PCDH15: variants seen among roughly 807,000 people sequenced by gnomAD.
The protein encoded by PCDH15 is protocadherin related 15.
Under a neutral mutation model 178.5 loss-of-function variants are expected in PCDH15, and 129 were observed. The ratio of observed to expected loss-of-function variants is 0.72; its 90% CI spans 0.63 to 0.84. PCDH15 has a LOEUF of 0.84. PCDH15 is among the 40% of genes least tolerant of loss of function. The pLI, the probability that PCDH15 is intolerant of heterozygous loss-of-function variation, is 0.00. For missense variants in PCDH15, 2,230 were observed against 2,099.9 expected (o/e 1.06, Z -1.21); for synonymous variants, 800 against 732.0 (o/e 1.09, Z -1.50).
chr10:54,692,840 A>C (rs571159212), intron 1 of PCDH15, among the ~76,000 whole-genome samples: 4 of 152,206 alleles, frequency 2.6e-5, no homozygotes, highest in Non-Finnish European at 5.9e-5. Flanking sequence ...GCATAAATGC[A>C]AACACAAAAT....
chr10:54,079,711 T>C (rs2080903152), intron 16 of PCDH15, among the ~76,000 whole-genome samples: 1 of 152,174 alleles, frequency 6.6e-6, no homozygotes, highest in African/African-American at 2.4e-5. Context: ...AGAAGAACAG[T>C]ATCTATCTTG....
At chr10:55,003,004 A>G (rs574351571) in intron 2 of PCDH15, among the ~76,000 whole-genome samples, 44 of 152,238 alleles carry the variant, frequency 2.9e-4, no homozygotes, top group African/African-American at 9.4e-4. Flanking sequence ...CCTTATTTTT[A>G]TATAGATGTG....
intron 3 of PCDH15, among the ~76,000 whole-genome samples, chr10:54,840,440 T>A (rs2133760438): frequency 6.6e-6 from 1 of 151,760 alleles, no homozygotes; most frequent in South Asian, 2.1e-4. Flanking sequence ...AAGTTTCTAG[T>A]AGGCACACAA....
At position 54,139,303 on chromosome 10, in the gene PCDH15, A is replaced by C. The variant is rs190264126; in HGVS notation, c.1785-6296T>G. 1.4e-3 allele frequency among the ~76,000 whole-genome samples: 211 copies of C among 150,696 alleles called. 1 individual carries two copies. The East Asian group carries it at 0.032, about 23-fold the overall frequency. ...AGGACCTGACATTCATCAGCTATTAAAAAAAAAAGTAATGAACAAGGAAAA... is the reference window on the plus strand; with the variant it reads ...AGGACCTGACATTCATCAGCTATTACAAAAAAAAGTAATGAACAAGGAAAA... On this transcript the variant is annotated intron_variant, in intron 14 of 37. Coordinates refer to ENST00000644397, the MANE Select transcript of PCDH15 (RefSeq NM_001384140.1).
intron 2 of PCDH15, among the ~76,000 whole-genome samples, chr10:54,938,368 A>G (rs1398798555): frequency 6.6e-6 from 1 of 150,878 alleles, no homozygotes; most frequent in Non-Finnish European, 1.5e-5. Flanking sequence ...GTCTATATTC[A>G]TTAAAGATAT....
At chr10:55,506,371 A>G (rs1840758756) in intron 2 of PCDH15, 1 of 151,526 alleles carries the variant, frequency 6.6e-6, no homozygotes, top group Non-Finnish European at 1.5e-5. Context: ...AGAATGTAAT[A>G]ACATAATGCA....
intron 33 of PCDH15, among the ~76,000 whole-genome samples, chr10:53,819,102 C>T (rs922923488): frequency 6.6e-6 from 1 of 151,956 alleles, no homozygotes; most frequent in African/African-American, 2.4e-5. Context: ...ATAATTCTTC[C>T]AGAGCCTTTA....
intron 8 of PCDH15, among the ~76,000 whole-genome samples, chr10:54,296,457 G>A (rs1349173832): frequency 6.6e-6 from 1 of 151,988 alleles, no homozygotes; most frequent in African/African-American, 2.4e-5. Flanking sequence ...CTTGCCTCCT[G>A]GGTCCTCATG....
intron 2 of PCDH15, among the ~76,000 whole-genome samples, chr10:55,082,298 C>A (rs1842060458): frequency 6.6e-6 from 1 of 151,850 alleles, no homozygotes; most frequent in East Asian, 1.9e-4. Context: ...GGAAATTAAA[C>A]ATTATGTTCC....
chr10:54,820,396 T>C (rs556680222), intron 3 of PCDH15, among the ~76,000 whole-genome samples: 2 of 152,266 alleles, frequency 1.3e-5, no homozygotes, highest in African/African-American at 4.8e-5. Context: ...TCTTGTAGGA[T>C]GCAAGAATAT....
Position 53,820,220 on chromosome 10 carries a change from A to G in PCDH15, c.4378T>C (p.Cys1460Arg). 2.5e-6 allele frequency: 1 copy of G among 397,812 alleles called. No individual in the cohort carries two copies. The highest frequency in any genetic ancestry group is 4.4e-6 in the Non-Finnish European group (1 of 225,428). The allele number at this position is 397,812 out of a possible 1,614,324, so 24.6% of individuals were successfully genotyped here. A position where few individuals can be genotyped will look rare whatever the true frequency, so the allele number is the denominator to read the frequency against. ...CTCATGCATATGACCAGCTGCCAAC[A>G]AAAACTCCAACTGAAGTTTTTCAGT... ...ELGDSSIWSF[C>R]WQLVICMRTC... The change falls in exon 33 of 38, where the codon TGT becomes CGT. Residue 1460 changes from cysteine (C) to arginine (R), a missense_variant. Transcript: ENST00000644397.
At chr10:55,015,047 C>A (rs549329375) in intron 2 of PCDH15, among the ~76,000 whole-genome samples, 1 of 151,790 alleles carries the variant, frequency 6.6e-6, no homozygotes, top group Non-Finnish European at 1.5e-5. Context: ...ATGGTGAAAC[C>A]CCATCTCTAC....
chr10:55,055,198 C>T (rs978777480), intron 2 of PCDH15, among the ~76,000 whole-genome samples: 6 of 151,952 alleles, frequency 3.9e-5, no homozygotes, highest in Non-Finnish European at 7.4e-5. Flanking sequence ...ATATGGTGTA[C>T]GAAAGGGATC....
chr10:55,439,658 T>C (rs989562487), intron 2 of PCDH15, among the ~76,000 whole-genome samples: 6 of 151,118 alleles, frequency 4.0e-5, no homozygotes, highest in Non-Finnish European at 8.8e-5. Context: ...GGTGACAAAA[T>C]AGAAACATAT....
chr10:54,091,326 G>A (rs1298354043), intron 15 of PCDH15, among the ~76,000 whole-genome samples: 3 of 146,872 alleles, frequency 2.0e-5, no homozygotes, highest in East Asian at 3.9e-4. Context: ...CCACAGACAG[G>A]AACTGCCCTG....
intron 1 of PCDH15, among the ~76,000 whole-genome samples, chr10:55,187,886 A>G (rs1023444054): frequency 3.9e-5 from 6 of 151,932 alleles, no homozygotes; most frequent in Admixed American, 6.6e-5. Context: ...AGAGTCACAT[A>G]ATATGTATTA....
At chr10:54,215,168 G>A (rs1037300665) in intron 9 of PCDH15, among the ~76,000 whole-genome samples, 5 of 116,344 alleles carry the variant, frequency 4.3e-5, no homozygotes, top group Non-Finnish European at 9.1e-5. Context: ...CATGACTTGG[G>A]AGACTGGGGA....
At chr10:55,145,751 A>T (rs1044951009) in intron 2 of PCDH15, among the ~76,000 whole-genome samples, 22 of 131,716 alleles carry the variant, frequency 1.7e-4, no homozygotes, top group Admixed American at 3.4e-4. Flanking sequence ...CAATTTCCTA[A>T]ATCAGAACAA....
chr10:54,020,380 G>C lies in PCDH15; in HGVS notation c.2563C>G (p.Arg855Gly). 6.2e-7 allele frequency: 1 copy of C among 1,613,738 alleles called. No homozygotes were observed. Among genetic ancestry groups the C allele is most frequent in the Admixed American group, 1.7e-5 (1 of 59,982 alleles). Residue 855 changes from arginine to glycine, a missense_variant, in exon 20 of 38, where the codon CGG becomes GGG. Coordinates refer to ENST00000644397, the MANE Select transcript of PCDH15 (RefSeq NM_001384140.1). ...DVDLGANVSY[R>G]IRSPEVKHFF... is the part of the protein sequence containing the mutation. ...TGCTTCACTTCTGGGCTTCTTATCC[G>C]GTAAGACACATTTGCTCCAAGGTCG...
Sources: allele counts gnomAD v4.1 joint callset (sites outside exome capture counted in the v4.1 genomes callset), GRCh38; gene constraint gnomAD v4.1.1; transcripts MANE v1.5; gene names NCBI Gene and HGNC (gene_info 2026-07-23, HGNC 2026-07-21).